Variants in UBAC2 observed in about 807,000 individuals in gnomAD.
UBAC2 encodes the protein ubiquitin-associated domain-containing protein 2.
Under a neutral mutation model 44.0 loss-of-function variants are expected in UBAC2, and 26 were observed. That is an observed-to-expected ratio of 0.59 (90% CI 0.43 to 0.82). The LOEUF (loss-of-function observed/expected upper bound fraction) is 0.82, where lower values mean the gene tolerates loss of function less well. Ranked by LOEUF, UBAC2 falls within the 40% of genes least tolerant of loss-of-function variation. The probability of loss-of-function intolerance (pLI) is 0.00; values close to 1 mark genes in which losing one functional copy is unlikely to be tolerated. For synonymous variants in UBAC2, 155 were observed against 154.3 expected (o/e 1.00, Z -0.04); for missense variants, 329 against 419.4 (o/e 0.78, Z 1.88).
chr13:99,248,388 ATT>A (rs35640725), intron 4 of UBAC2, among the ~76,000 whole-genome samples: 47 of 130,090 alleles, frequency 3.6e-4, no homozygotes, highest in East Asian at 1.1e-3. Context: ...TGCCCACCTA[ATT>A]TTTTTTTTTT....
At chr13:99,201,905 C>A (rs559815446) in intron 1 of UBAC2, among the ~76,000 whole-genome samples, 1 of 152,126 alleles carries the variant, frequency 6.6e-6, no homozygotes, top group African/African-American at 2.4e-5. Flanking sequence ...CCCCGTCTCT[C>A]TACTAAAAAC....
chr13:99,376,938 C>A (rs1000595929), intron 8 of UBAC2: 2 of 152,158 alleles, frequency 1.3e-5, no homozygotes, highest in African/African-American at 4.8e-5. Context: ...GACTGCAAGC[C>A]CATGAAGCCA....
intron 1 of UBAC2, among the ~76,000 whole-genome samples, chr13:99,210,799 AC>A (rs2042929903): frequency 6.6e-6 from 1 of 151,868 alleles, no homozygotes; most frequent in African/African-American, 2.4e-5. Context: ...TGTAGTAGAG[AC>A]GGGGTTTCAC....
chr13:99,281,635 AATC>A (rs1424956023), intron 4 of UBAC2, among the ~76,000 whole-genome samples: 1 of 152,210 alleles, frequency 6.6e-6, no homozygotes, highest in Non-Finnish European at 1.5e-5. Flanking sequence ...ATAAAAGAAA[AATC>A]ATGATGTTAG....
At chr13:99,298,081 G>A (rs746366329) in intron 4 of UBAC2, among the ~76,000 whole-genome samples, 20 of 152,100 alleles carry the variant, frequency 1.3e-4, no homozygotes, top group East Asian at 5.8e-4. Context: ...AAAATTTGAC[G>A]GAATTTGAAG....
At chr13:99,365,700 C>CT (rs2045321154) in intron 7 of UBAC2, among the ~76,000 whole-genome samples, 1 of 151,948 alleles carries the variant, frequency 6.6e-6, no homozygotes, top group African/African-American at 2.4e-5. Context: ...TTTGTAAATA[C>CT]TTTAAATGTA....
At position 99,250,467 on chromosome 13, in the gene UBAC2, A is replaced by AT. The variant is rs569991198; in HGVS notation, c.389+5844dup. On this transcript the variant is annotated intron_variant, in intron 4 of 8. Transcript: ENST00000403766. ...ATGCTGTTTTGCTTACTGTAGCCTT[A>AT]TAATCTGAAGTCAGGTAATGTGATG... 4.7e-3 allele frequency among the ~76,000 whole-genome samples: 710 copies of AT among 152,240 alleles called. 3 individuals carry two copies. Among genetic ancestry groups the AT allele is most frequent in the Non-Finnish European group, 7.0e-3 (474 of 67,994 alleles).
chr13:99,238,588 G>A, intron 2 of UBAC2, 34 bp downstream of exon 2: 3 of 1,502,016 alleles, frequency 2.0e-6, no homozygotes, highest in Non-Finnish European at 2.7e-6. Flanking sequence ...TGAGAGGAGA[G>A]CGGACAGTTT....
chr13:99,357,812 T>G (rs997051655), intron 7 of UBAC2, among the ~76,000 whole-genome samples: 5 of 152,194 alleles, frequency 3.3e-5, no homozygotes, highest in African/African-American at 4.8e-5. Flanking sequence ...GGTCTTCATA[T>G]CCCAACTAAC....
chr13:99,358,403 G>A (rs997704539), intron 7 of UBAC2, among the ~76,000 whole-genome samples: 1 of 152,122 alleles, frequency 6.6e-6, no homozygotes, highest in Non-Finnish European at 1.5e-5. Context: ...GAAGCAGATG[G>A]GAGAATCCAG....
chr13:99,305,362 C>T (rs914144394), intron 4 of UBAC2, among the ~76,000 whole-genome samples: 1 of 151,698 alleles, frequency 6.6e-6, no homozygotes, highest in African/African-American at 2.4e-5. Flanking sequence ...CTGGAGAACA[C>T]CACGCGTCCT....
At chr13:99,237,826 G>A (rs907566472) in intron 1 of UBAC2, among the ~76,000 whole-genome samples, 1 of 152,040 alleles carries the variant, frequency 6.6e-6, no homozygotes, top group Non-Finnish European at 1.5e-5. Flanking sequence ...ATGGTGGCAC[G>A]TGCCTGTAAT....
At chr13:99,379,419 C>G (rs1166217566) in intron 8 of UBAC2, among the ~76,000 whole-genome samples, 2 of 152,232 alleles carry the variant, frequency 1.3e-5, no homozygotes, top group African/African-American at 4.8e-5. Flanking sequence ...CTTCATGATG[C>G]TTTGTCACCA....
chr13:99,291,373 G>A (rs1022784987), intron 4 of UBAC2, among the ~76,000 whole-genome samples: 2 of 152,084 alleles, frequency 1.3e-5, no homozygotes, highest in African/African-American at 4.8e-5. Flanking sequence ...CAAAATAATG[G>A]CCTTGTCACC....
chr13:99,200,995 C>A, intron 1 of UBAC2, 56 bp downstream of exon 1: 1 of 1,299,078 alleles, frequency 7.7e-7, no homozygotes, highest in Non-Finnish European at 9.8e-7. Flanking sequence ...CTAGGCACCT[C>A]TTTGAGGAGG....
chr13:99,254,942 G>T lies in UBAC2; in HGVS notation c.389+10318G>T, dbSNP rs374416624. 7 of 1,613,852 alleles carry T rather than the reference G, an allele frequency of 4.3e-6. No homozygotes were observed. The Middle Eastern group carries it at 4.9e-4, about 114-fold the overall frequency. ...CTACCAGATCGGAAACTTTTTCTGCGCATGCTTCGAAGGTAATTACGGTAT... is the reference window on the plus strand; with the variant it reads ...CTACCAGATCGGAAACTTTTTCTGCTCATGCTTCGAAGGTAATTACGGTAT... On this transcript the variant is annotated intron_variant, in intron 4 of 8. Coordinates refer to ENST00000403766, the MANE Select transcript of UBAC2 (RefSeq NM_001144072.2).
chr13:99,215,720 G>A (rs1425938775), intron 1 of UBAC2: 6 of 1,493,366 alleles, frequency 4.0e-6, no homozygotes, highest in African/African-American at 1.4e-5. Flanking sequence ...CCTTTGTCTT[G>A]GCCTTTCCGG....
chr13:99,242,662 G>A (rs1192358699), intron 2 of UBAC2, among the ~76,000 whole-genome samples: 8 of 16,734 alleles, frequency 4.8e-4, no homozygotes, highest in Non-Finnish European at 8.0e-4. Context: ...CCCGGACGGG[G>A]CGGCTGGCCG....
chr13:99,315,196 T>TA (rs1220043093), intron 5 of UBAC2, among the ~76,000 whole-genome samples: 1 of 152,128 alleles, frequency 6.6e-6, no homozygotes, highest in East Asian at 1.9e-4. Flanking sequence ...CCCGTACCGT[T>TA]ACACGCCCCC....
Sources: gnomAD v4.1 joint callset for allele counts (sites outside exome capture counted in the v4.1 genomes callset) on GRCh38, gnomAD v4.1.1 for gene constraint, MANE v1.5 for transcripts, NCBI Gene and HGNC (gene_info 2026-07-23, HGNC 2026-07-21) for gene names.